ARHGAP15: variants seen among roughly 807,000 people sequenced by gnomAD.
The protein encoded by ARHGAP15 is Rho GTPase activating protein 15, also known as rho GTPase-activating protein 15.
In ARHGAP15, 51 loss-of-function variants were observed where a neutral mutation model predicts 63.7. That is an observed-to-expected ratio of 0.80 (90% CI 0.64 to 1.01). The LOEUF (loss-of-function observed/expected upper bound fraction) is 1.01, where lower values mean the gene tolerates loss of function less well. Among genes scored for constraint, ARHGAP15 ranks in the 50% least tolerant of loss-of-function variants. ARHGAP15 has a pLI of 0.00. For synonymous variants in ARHGAP15, 191 were observed against 193.8 expected, an observed-to-expected ratio of 0.99 and a Z score of 0.12; for missense variants, 560 against 564.6, an observed-to-expected ratio of 0.99 and a Z score of 0.08.
chr2:143,643,421 C>T (rs1017125267), intron 12 of ARHGAP15, among the ~76,000 whole-genome samples: 4 of 70,520 alleles, frequency 5.7e-5, no homozygotes, highest in African/African-American at 1.5e-4. Context: ...CACCTCCCCT[C>T]CACCCACCCC....
intron 2 of ARHGAP15, among the ~76,000 whole-genome samples, chr2:143,164,871 A>T (rs2105030510): frequency 6.6e-6 from 1 of 152,164 alleles, no homozygotes. Flanking sequence ...ATGGGCTGAC[A>T]CAGACGTGTT....
At chr2:143,252,669 C>T (rs1334344972) in intron 6 of ARHGAP15, among the ~76,000 whole-genome samples, 2 of 151,904 alleles carry the variant, frequency 1.3e-5, no homozygotes, top group Non-Finnish European at 2.9e-5. Flanking sequence ...GTTTCCTTGT[C>T]GTGCTGAAAT....
intron 11 of ARHGAP15, among the ~76,000 whole-genome samples, chr2:143,623,829 T>C (rs1220204292): frequency 1.3e-5 from 2 of 152,266 alleles, no homozygotes; most frequent in African/African-American, 4.8e-5. Context: ...CATGTTGAGC[T>C]GTGATGCTAA....
chr2:143,713,856 C>A (rs1050494565), intron 13 of ARHGAP15, among the ~76,000 whole-genome samples: 2 of 152,224 alleles, frequency 1.3e-5, no homozygotes, highest in African/African-American at 4.8e-5. Context: ...TGGTCTTAGG[C>A]AGCTCTGCCC....
At chr2:143,246,899 G>A (rs1694063124) in intron 5 of ARHGAP15, among the ~76,000 whole-genome samples, 1 of 152,190 alleles carries the variant, frequency 6.6e-6, no homozygotes, top group African/African-American at 2.4e-5. Context: ...TGTAAGGAGT[G>A]CAAGAGACGG....
intron 5 of ARHGAP15, among the ~76,000 whole-genome samples, chr2:143,235,051 C>G (rs568614110): frequency 7.1e-4 from 108 of 152,114 alleles, no homozygotes; most frequent in African/African-American, 2.6e-3. Context: ...TTTGGTTAAT[C>G]AAGTTTGTGC....
At chr2:143,631,848 G>A (rs1247062692) in intron 12 of ARHGAP15, among the ~76,000 whole-genome samples, 1 of 146,446 alleles carries the variant, frequency 6.8e-6, no homozygotes, top group Non-Finnish European at 1.5e-5. Flanking sequence ...GGATCTTGCT[G>A]TGCCTTCACG....
rs374156115 is a variant in ARHGAP15, at chr2:143,561,923, C to T, written c.1003+5438C>T. ...GCTATAAATCTACATGATCAAGAAT[C>T]TTGTTTGTGTGTTTGTGAGCACACA... On this transcript the variant is annotated intron_variant, in intron 11 of 13. Coordinates refer to ENST00000295095, the MANE Select transcript of ARHGAP15 (RefSeq NM_018460.4). Among the ~76,000 whole-genome samples the T allele has an allele frequency of 9.2e-5, 14 of 152,248 alleles. 1 individual carries two copies. Among genetic ancestry groups the T allele is most frequent in the African/African-American group, 3.4e-4 (14 of 41,548 alleles).
chr2:143,576,045 C>T (rs535151420), intron 11 of ARHGAP15, among the ~76,000 whole-genome samples: 1 of 152,216 alleles, frequency 6.6e-6, no homozygotes, highest in East Asian at 1.9e-4. Context: ...GGAACACAAA[C>T]TCACTTAGGT....
intron 13 of ARHGAP15, among the ~76,000 whole-genome samples, chr2:143,718,097 GT>G (rs965684511): frequency 5.6e-4 from 84 of 151,050 alleles, no homozygotes; most frequent in African/African-American, 1.7e-3. Flanking sequence ...TGTCGTTGGG[GT>G]TTTTTTTTCT....
chr2:143,639,119 G>GA (rs1422468231), intron 12 of ARHGAP15, among the ~76,000 whole-genome samples: 3 of 151,454 alleles, frequency 2.0e-5, no homozygotes, highest in East Asian at 1.9e-4. Context: ...TGACTAATTT[G>GA]AAAAAAAATG....
chr2:143,508,856 G>A (rs1180161529), intron 9 of ARHGAP15, among the ~76,000 whole-genome samples: 1 of 152,190 alleles, frequency 6.6e-6, no homozygotes, highest in Non-Finnish European at 1.5e-5. Context: ...GTGAGTTTAG[G>A]AGCTGAAAAC....
intron 11 of ARHGAP15, among the ~76,000 whole-genome samples, chr2:143,582,960 A>AG (rs2105148916): frequency 6.6e-6 from 1 of 152,308 alleles, no homozygotes; most frequent in South Asian, 2.1e-4. Context: ...GCTTTTCTTC[A>AG]GGGATATGGG....
intron 8 of ARHGAP15, among the ~76,000 whole-genome samples, chr2:143,452,273 A>G (rs934359866): frequency 3.9e-5 from 6 of 152,014 alleles, no homozygotes; most frequent in African/African-American, 1.4e-4. Flanking sequence ...CCTAAATTAG[A>G]GACACTATTA....
chr2:143,178,029 T>TA (rs112004261), intron 2 of ARHGAP15, among the ~76,000 whole-genome samples: 30 of 152,296 alleles, frequency 2.0e-4, no homozygotes, highest in African/African-American at 7.2e-4. Context: ...TTTAAGGAAT[T>TA]AAAAAAATTT....
chr2:143,170,728 A>G (rs1191795300), intron 2 of ARHGAP15, among the ~76,000 whole-genome samples: 2 of 152,060 alleles, frequency 1.3e-5, no homozygotes, highest in Admixed American at 6.6e-5. Flanking sequence ...CTCTCATCTG[A>G]ACTCCTATAA....
chr2:143,298,617 A>G (rs1682754892), intron 6 of ARHGAP15, among the ~76,000 whole-genome samples: 1 of 151,946 alleles, frequency 6.6e-6, no homozygotes, highest in Non-Finnish European at 1.5e-5. Flanking sequence ...TGTCTTATTA[A>G]TGTCAGTCTC....
intron 13 of ARHGAP15, among the ~76,000 whole-genome samples, chr2:143,744,092 G>T (rs2105512583): frequency 6.6e-6 from 1 of 152,252 alleles, no homozygotes; most frequent in South Asian, 2.1e-4. Flanking sequence ...ACAATTATTT[G>T]ATGTATGATG....
At chr2:143,755,991 TTTCCTC>T in intron 13 of ARHGAP15, among the ~76,000 whole-genome samples, 1 of 152,196 alleles carries the variant, frequency 6.6e-6, no homozygotes, top group East Asian at 1.9e-4. Flanking sequence ...AAAACTTATT[TTTCCTC>T]AGAAAGTAAA....
Sources: allele counts gnomAD v4.1 joint callset (sites outside exome capture counted in the v4.1 genomes callset), GRCh38; gene constraint gnomAD v4.1.1; transcripts MANE v1.5; gene names NCBI Gene and HGNC (gene_info 2026-07-23, HGNC 2026-07-21).